The following UNC13C variants were observed in gnomAD, a reference collection of about 807,000 sequenced individuals.
UNC13C encodes unc-13 homolog C, also known as protein unc-13 homolog C.
UNC13C carries 174 observed loss-of-function variants against 245.4 expected under a neutral mutation model. The ratio of observed to expected loss-of-function variants is 0.71; its 90% CI spans 0.63 to 0.80. The LOEUF (loss-of-function observed/expected upper bound fraction) is 0.80. UNC13C is among the 30% of genes least tolerant of loss of function. The pLI is 0.00. For missense variants in UNC13C, 2,829 were observed against 2,602.9 expected, an observed-to-expected ratio of 1.09 and a Z score of -1.89; for synonymous variants, 992 against 895.1, an observed-to-expected ratio of 1.11 and a Z score of -1.93.
At chr15:54,583,072 A>C (rs78101054) in intron 30 of UNC13C, among the ~76,000 whole-genome samples, 2,463 of 152,212 alleles carry the variant, frequency 0.016, 30 homozygotes, top group Non-Finnish European at 0.023. Context: ...TTGCATTTAT[A>C]ATAAGCTCTC....
intron 30 of UNC13C, among the ~76,000 whole-genome samples, chr15:54,584,315 G>T (rs1898368077): frequency 6.6e-6 from 1 of 152,192 alleles, no homozygotes. Flanking sequence ...AAATTGCATT[G>T]CTATCTTGTA....
chr15:54,254,469 A>C (rs1022322523), intron 8 of UNC13C, among the ~76,000 whole-genome samples: 2 of 152,256 alleles, frequency 1.3e-5, no homozygotes, highest in Non-Finnish European at 2.9e-5. Context: ...ACTGCTACTT[A>C]ACACACATTT....
chr15:54,069,416 G>C (rs983428659), intron 2 of UNC13C, among the ~76,000 whole-genome samples: 8 of 152,154 alleles, frequency 5.3e-5, no homozygotes, highest in Admixed American at 5.2e-4. Flanking sequence ...TCACAAGTGT[G>C]TTTGAATCCT....
At chr15:54,149,516 C>G (rs1048192649) in intron 4 of UNC13C, among the ~76,000 whole-genome samples, 1 of 152,112 alleles carries the variant, frequency 6.6e-6, no homozygotes, top group Non-Finnish European at 1.5e-5. Flanking sequence ...TTCACATTAC[C>G]ACTGATCTAG....
At chr15:54,325,728 G>C (rs1346223047) in intron 14 of UNC13C, among the ~76,000 whole-genome samples, 1 of 151,918 alleles carries the variant, frequency 6.6e-6, no homozygotes, top group Non-Finnish European at 1.5e-5. Context: ...AATACCTTAA[G>C]TCTGTATTAA....
At chr15:53,906,823 C>T in the UNC13C span, among the ~76,000 whole-genome samples, 1 of 152,140 alleles carries the variant, frequency 6.6e-6, no homozygotes. Flanking sequence ...AACTTATAAT[C>T]ATGGTGGAAG....
intron 2 of UNC13C, among the ~76,000 whole-genome samples, chr15:54,074,963 G>T (rs368768354): frequency 6.6e-6 from 1 of 152,092 alleles, no homozygotes; most frequent in African/African-American, 2.4e-5. Context: ...TTCAAGAATT[G>T]GTTACCTTAA....
chr15:53,850,115 G>A, the UNC13C span, among the ~76,000 whole-genome samples: 1 of 151,858 alleles, frequency 6.6e-6, no homozygotes, highest in African/African-American at 2.4e-5. Context: ...CTTTTTGCTG[G>A]ATATAGAATT....
chr15:53,999,896 C>T (rs912280915), intron 1 of UNC13C, among the ~76,000 whole-genome samples: 6 of 151,944 alleles, frequency 3.9e-5, no homozygotes, highest in Middle Eastern at 3.4e-3. Flanking sequence ...TTATTATGGT[C>T]ACGATATATG....
intron 18 of UNC13C, among the ~76,000 whole-genome samples, chr15:54,398,686 T>C (rs1423701718): frequency 6.6e-6 from 1 of 151,302 alleles, no homozygotes; most frequent in African/African-American, 2.4e-5. Context: ...ATTTAGGTTT[T>C]TGTAGTTTGT....
At chr15:54,389,051 T>C (rs1172713375) in intron 17 of UNC13C, among the ~76,000 whole-genome samples, 1 of 152,186 alleles carries the variant, frequency 6.6e-6, no homozygotes, top group Non-Finnish European at 1.5e-5. Flanking sequence ...AAATGGTCCT[T>C]ATCATGTTTG....
intron 18 of UNC13C, among the ~76,000 whole-genome samples, chr15:54,412,851 A>G (rs1301000001): frequency 6.6e-6 from 1 of 152,188 alleles, no homozygotes; most frequent in Non-Finnish European, 1.5e-5. Context: ...GAGAGTCAAC[A>G]TCATCATCTT....
chr15:54,337,138 T>C lies in UNC13C; in HGVS notation c.4585-1223T>C, dbSNP rs551898493. Among the ~76,000 whole-genome samples, 14 of 152,298 alleles carry C rather than the reference T, an allele frequency of 9.2e-5. No individual in the cohort carries two copies. The East Asian group carries it at 2.3e-3, about 25-fold the overall frequency. ...ATGTTTTATTTCTCTCCTATACCAT[T>C]GGCTCTTTTGGGAGCAGGGTGGGGG... On this transcript the variant is annotated intron_variant, in intron 16 of 32. Transcript: ENST00000260323.
At chr15:53,963,851 C>T in the UNC13C span, among the ~76,000 whole-genome samples, 1 of 152,082 alleles carries the variant, frequency 6.6e-6, no homozygotes, top group Non-Finnish European at 1.5e-5. Flanking sequence ...TTGAGTGCTG[C>T]ACATGGAAAT....
intron 15 of UNC13C, among the ~76,000 whole-genome samples, chr15:54,333,336 T>G (rs1489984976): frequency 2.0e-5 from 3 of 151,984 alleles, no homozygotes; most frequent in East Asian, 1.9e-4. Context: ...ACTTTTAAAG[T>G]TTTTTTGTGA....
chr15:54,214,778 G>A (rs2034988577), intron 4 of UNC13C, among the ~76,000 whole-genome samples: 1 of 151,900 alleles, frequency 6.6e-6, no homozygotes, highest in African/African-American at 2.4e-5. Context: ...AATGGCTGCT[G>A]AGATTTTCCT....
intron 19 of UNC13C, among the ~76,000 whole-genome samples, chr15:54,474,241 A>G (rs1013077143): frequency 6.6e-6 from 1 of 151,986 alleles, no homozygotes; most frequent in African/African-American, 2.4e-5. Flanking sequence ...AGTTTTTATG[A>G]TAAATCTTCA....
At chr15:53,981,144 C>T (rs910028029) in intron 1 of UNC13C, among the ~76,000 whole-genome samples, 2 of 152,156 alleles carry the variant, frequency 1.3e-5, no homozygotes, top group African/African-American at 4.8e-5. Context: ...ATTCTCCAGG[C>T]ACTTTCATTT....
chr15:54,128,100 C>T (rs2031177904), intron 2 of UNC13C, among the ~76,000 whole-genome samples: 1 of 152,062 alleles, frequency 6.6e-6, no homozygotes, highest in Non-Finnish European at 1.5e-5. Context: ...AAAATGTCAG[C>T]AGCATTTCTA....
Sources: gnomAD v4.1 joint callset for allele counts (sites outside exome capture counted in the v4.1 genomes callset) on GRCh38, gnomAD v4.1.1 for gene constraint, MANE v1.5 for transcripts, NCBI Gene and HGNC (gene_info 2026-07-23, HGNC 2026-07-21) for gene names.